Variants in CSNK2A1 observed in about 807,000 individuals in gnomAD.
The protein encoded by CSNK2A1 is casein kinase 2 alpha 1.
In CSNK2A1, 10 loss-of-function variants were observed where a neutral mutation model predicts 62.9. The ratio of observed to expected loss-of-function variants is 0.16; its 90% CI spans 0.10 to 0.27. CSNK2A1 has a LOEUF of 0.27. Ranked by LOEUF, CSNK2A1 falls within the 10% of genes least tolerant of loss-of-function variation. The pLI is 1.00. For synonymous variants in CSNK2A1, 124 were observed against 167.8 expected (o/e 0.74, Z 2.02); for missense variants, 160 against 492.0 (o/e 0.33, Z 6.38).
chr20:536,371 C>T (rs1238989704), intron 1 of CSNK2A1, among the ~76,000 whole-genome samples: 1 of 152,212 alleles, frequency 6.6e-6, no homozygotes, highest in Non-Finnish European at 1.5e-5. Context: ...GACATTTTAT[C>T]AATTTTCTCC....
chr20:539,008 G>C (rs1040488098), intron 1 of CSNK2A1, among the ~76,000 whole-genome samples: 1 of 152,124 alleles, frequency 6.6e-6, no homozygotes, highest in African/African-American at 2.4e-5. Context: ...ACAGGCACAG[G>C]TTCCACTCAA....
chr20:536,080 C>T (rs2019315913), intron 1 of CSNK2A1, among the ~76,000 whole-genome samples: 1 of 152,108 alleles, frequency 6.6e-6, no homozygotes, highest in African/African-American at 2.4e-5. Flanking sequence ...ATCCTAGACT[C>T]ACCAGGACTA....
At chr20:538,438 A>T (rs1275185430) in intron 1 of CSNK2A1, among the ~76,000 whole-genome samples, 4 of 152,236 alleles carry the variant, frequency 2.6e-5, no homozygotes, top group Non-Finnish European at 4.4e-5. Flanking sequence ...CTGAAATGCT[A>T]ATCTTGTAAT....
rs148653624 is a variant in CSNK2A1, at chr20:504,749, A to G, written c.213+369T>C. The G allele has an allele frequency of 2.1e-3, 436 of 203,034 alleles. 4 individuals are homozygous for G. Among genetic ancestry groups the G allele is most frequent in the African/African-American group, 9.5e-3 (414 of 43,728 alleles). The allele number at this position is 203,034 out of a possible 1,614,324, so 12.6% of individuals were successfully genotyped here. The stretch of plus-strand genomic sequence containing the variant: ...TAATATCATCTGTCTGTCCCCCTCG[A>G]GTCCTGTGACTCCTCATCTTTACAA... On this transcript the variant is annotated intron_variant, in intron 4 of 13. Transcript: ENST00000217244.
chr20:483,976 A>G lies in CSNK2A1; in HGVS notation c.1161T>C (p.Ala387=), dbSNP rs775223634. The change falls in exon 14 of 14, where the codon GCT becomes GCC. Residue 387 remains alanine, a synonymous_variant. Coordinates refer to ENST00000217244, the MANE Select transcript of CSNK2A1 (RefSeq NM_177559.3). ...GATAGGGCCGTTACTGCTGAGCGCCAGCGGCAGCTGGAACAGGCATCCCAA... is the reference window on the plus strand; with the variant it reads ...GATAGGGCCGTTACTGCTGAGCGCCGGCGGCAGCTGGAACAGGCATCCCAA... ...NPLGMPVPAA[A]GAQQ 7 of 1,612,050 alleles carry G rather than the reference A, an allele frequency of 4.3e-6. No homozygotes were observed. The highest frequency in any genetic ancestry group is 1.7e-5 in the Admixed American group (1 of 59,796).
chr20:485,208 CAG>C (rs2018071578), intron 13 of CSNK2A1, among the ~76,000 whole-genome samples: 3 of 139,634 alleles, frequency 2.1e-5, no homozygotes, highest in African/African-American at 5.3e-5. Context: ...TCTTTTGAGA[CAG>C]AGTCTCACTC....
chr20:517,416 C>T (rs1335349411), intron 2 of CSNK2A1, among the ~76,000 whole-genome samples: 8 of 152,240 alleles, frequency 5.3e-5, no homozygotes, highest in African/African-American at 1.9e-4. Flanking sequence ...CATTCTTTCT[C>T]TTGGTCCTGG....
In CSNK2A1 at chr20:499,979, T is replaced by TC; in HGVS notation, c.214-46_214-45insG. The stretch of plus-strand genomic sequence containing the variant: ...TCAGCAAAAAAAAAAAAAAAAAATT[T>TC]TTTCAGAGTATTTCAACACGTAGTG... On this transcript the variant is annotated intron_variant, in intron 4 of 13. Transcript: ENST00000217244. This position sits in a 1 kb window ranked among gnomAD's most constrained non-coding sequence, Gnocchi z 4.2. 1 of 1,311,836 alleles carries TC rather than the reference T, an allele frequency of 7.6e-7. No homozygotes were observed. Among genetic ancestry groups the TC allele is most frequent in the South Asian group, 1.2e-5 (1 of 82,534 alleles). The allele number at this position is 1,311,836 out of a possible 1,614,324, so 81.3% of individuals were successfully genotyped here.
At chr20:527,715 T>G (rs926684707) in intron 2 of CSNK2A1, among the ~76,000 whole-genome samples, 4 of 146,192 alleles carry the variant, frequency 2.7e-5, no homozygotes, top group Non-Finnish European at 6.0e-5. Context: ...TTTATTTCTC[T>G]TGGTGGATGC....
In CSNK2A1 at chr20:475,501, C is replaced by T. The variant is rs1223292400; in HGVS notation, c.*8460G>A. The T allele has an allele frequency of 1.3e-5, 2 of 151,360 alleles. No individual in the cohort carries two copies. The highest frequency in any genetic ancestry group is 2.9e-5 in the Non-Finnish European group (2 of 67,912). The allele number at this position is 151,360 out of a possible 1,614,324, so 9.4% of individuals were successfully genotyped here. A position where few individuals can be genotyped will look rare whatever the true frequency, so the allele number is the denominator to read the frequency against. ...AAGTTGGTGTAATCCTTTCCACACACACATATATATATACATAGATGTTAT... is the reference window on the plus strand; with the variant it reads ...AAGTTGGTGTAATCCTTTCCACACATACATATATATATACATAGATGTTAT... On this transcript the variant is annotated 3_prime_UTR_variant, in exon 14 of 14. Transcript: ENST00000217244.
At chr20:525,676 A>T (rs205877) in intron 2 of CSNK2A1, among the ~76,000 whole-genome samples, 43,101 of 146,778 alleles carry the variant, frequency 0.29, 6,808 homozygotes, top group East Asian at 0.64. Context: ...AAGAAAAAAA[A>T]AATAATAATA....
intron 1 of CSNK2A1, among the ~76,000 whole-genome samples, chr20:533,942 G>A (rs1291951607): frequency 2.6e-5 from 4 of 152,058 alleles, no homozygotes; most frequent in African/African-American, 7.2e-5. Flanking sequence ...TTTTTACCAC[G>A]CCATATAAGC....
chr20:537,935 A>G (rs1310172384), intron 1 of CSNK2A1, among the ~76,000 whole-genome samples: 1 of 151,762 alleles, frequency 6.6e-6, no homozygotes, highest in African/African-American at 2.4e-5. Context: ...AAGTTGTCAT[A>G]TAGTTGAATA....
chr20:520,166 GATTA>G (rs1399274664), intron 2 of CSNK2A1, among the ~76,000 whole-genome samples: 1 of 151,986 alleles, frequency 6.6e-6, no homozygotes, highest in Non-Finnish European at 1.5e-5. Flanking sequence ...ATTGGAATAT[GATTA>G]ATTATATTAA....
intron 4 of CSNK2A1, chr20:501,152 C>T (rs2018461001): frequency 1.3e-5 from 2 of 151,610 alleles, no homozygotes; most frequent in South Asian, 2.1e-4. Flanking sequence ...GCAACTTCCG[C>T]CTCCCGGGTT....
At chr20:533,808 A>G (rs1392801979) in intron 1 of CSNK2A1, among the ~76,000 whole-genome samples, 2 of 152,228 alleles carry the variant, frequency 1.3e-5, no homozygotes, top group African/African-American at 4.8e-5. Flanking sequence ...AGGTCTCCCA[A>G]TGAAGGGAGG....
chr20:492,415 A>G lies in CSNK2A1; in HGVS notation c.511-51T>C, dbSNP rs369901283. 13 of 1,573,354 alleles carry G rather than the reference A, an allele frequency of 8.3e-6. No homozygotes were observed. The African/African-American group carries it at 1.3e-4, about 16-fold the overall frequency. Reference sequence around the variant, plus strand: ...TCTTATCTTTCTCTAAGCTACCCACACTGTGCCATTAGCATACTCTTGATA... The same window carrying G: ...TCTTATCTTTCTCTAAGCTACCCACGCTGTGCCATTAGCATACTCTTGATA... On this transcript the variant is annotated intron_variant, in intron 8 of 13. Coordinates refer to ENST00000217244, the MANE Select transcript of CSNK2A1 (RefSeq NM_177559.3).
At chr20:497,572 G>GATA (rs2018370446) in intron 7 of CSNK2A1, 149 bp downstream of exon 7, 1 of 592,018 alleles carries the variant, frequency 1.7e-6, no homozygotes, top group African/African-American at 1.9e-5. Flanking sequence ...TTACAGGTAT[G>GATA]ATACTATTAA....
chr20:530,308 G>C (rs1260337795), intron 1 of CSNK2A1, among the ~76,000 whole-genome samples: 2 of 152,134 alleles, frequency 1.3e-5, no homozygotes, highest in African/African-American at 2.4e-5. Flanking sequence ...GTTGTTGCAA[G>C]TATCAGTAAT....
Sources: allele counts gnomAD v4.1 joint callset (sites outside exome capture counted in the v4.1 genomes callset), GRCh38; gene constraint gnomAD v4.1.1; non-coding constraint Gnocchi (gnomAD v3.1); transcripts MANE v1.5; gene names NCBI Gene and HGNC (gene_info 2026-07-23, HGNC 2026-07-21).